MED27: variants seen among roughly 807,000 people sequenced by gnomAD.
MED27 encodes the protein mediator complex subunit 27, also known as mediator of RNA polymerase II transcription subunit 27.
In MED27, 30 loss-of-function variants were observed where a neutral mutation model predicts 38.2. The observed-to-expected ratio is 0.79, with a 90% CI of 0.59 to 1.07. The LOEUF (loss-of-function observed/expected upper bound fraction) is 1.07, where lower values mean the gene tolerates loss of function less well. Among genes scored for constraint, MED27 ranks in the 50% least tolerant of loss-of-function variants. MED27 has a pLI of 0.00. For missense variants in MED27, 289 were observed against 397.5 expected, an observed-to-expected ratio of 0.73 and a Z score of 2.32; for synonymous variants, 122 against 153.5, an observed-to-expected ratio of 0.79 and a Z score of 1.52.
At chr9:132,029,629 T>A (rs930753110) in intron 2 of MED27, among the ~76,000 whole-genome samples, 3 of 151,896 alleles carry the variant, frequency 2.0e-5, no homozygotes, top group Non-Finnish European at 4.4e-5. Flanking sequence ...AATGAGCAAA[T>A]TATGATATTT....
chr9:132,047,463 C>A (rs933300278), intron 2 of MED27, among the ~76,000 whole-genome samples: 1 of 151,506 alleles, frequency 6.6e-6, no homozygotes, highest in Non-Finnish European at 1.5e-5. Context: ...CACACACACA[C>A]ACACACACAC....
At chr9:131,998,360 A>G (rs1832142464) in intron 3 of MED27, among the ~76,000 whole-genome samples, 1 of 151,060 alleles carries the variant, frequency 6.6e-6, no homozygotes, top group African/African-American at 2.4e-5. Context: ...GATCAGTGGG[A>G]GCATTATAGG....
At chr9:131,932,214 C>G (rs765058413) in intron 4 of MED27, among the ~76,000 whole-genome samples, 4 of 151,406 alleles carry the variant, frequency 2.6e-5, no homozygotes, top group Admixed American at 6.6e-5. Context: ...CAATCAATAA[C>G]GAGAGGAATT....
At chr9:132,067,653 C>A (rs549841292) in intron 2 of MED27, among the ~76,000 whole-genome samples, 24 of 152,230 alleles carry the variant, frequency 1.6e-4, no homozygotes, top group African/African-American at 5.5e-4. Context: ...GACTCCAGTC[C>A]TCGCCCCCCA....
intron 3 of MED27, among the ~76,000 whole-genome samples, chr9:131,994,356 C>T (rs1282300380): frequency 1.3e-5 from 2 of 152,200 alleles, no homozygotes; most frequent in Non-Finnish European, 2.9e-5. Context: ...CTCTGATACA[C>T]CCTGCTTCTG....
At chr9:131,877,399 C>G (rs1838955380) in intron 6 of MED27, among the ~76,000 whole-genome samples, 1 of 152,092 alleles carries the variant, frequency 6.6e-6, no homozygotes. Flanking sequence ...AAATCTGTCT[C>G]TACTAAAAAT....
chr9:132,024,369 CA>C (rs1380061992), intron 2 of MED27, among the ~76,000 whole-genome samples: 1 of 152,106 alleles, frequency 6.6e-6, no homozygotes, highest in African/African-American at 2.4e-5. Context: ...ATAATGTGTG[CA>C]AAAGCCTTAA....
chr9:131,960,750 CA>C (rs1246341119), intron 3 of MED27, among the ~76,000 whole-genome samples: 2 of 152,132 alleles, frequency 1.3e-5, no homozygotes, highest in African/African-American at 4.8e-5. Flanking sequence ...CACAGGTATA[CA>C]AAGCCTTAAC....
chr9:132,040,301 G>C (rs1431537782), intron 2 of MED27, among the ~76,000 whole-genome samples: 1 of 152,132 alleles, frequency 6.6e-6, no homozygotes, highest in Non-Finnish European at 1.5e-5. Flanking sequence ...TCACCTTTTT[G>C]CTTTATTTCC....
At chr9:131,869,999 AC>A (rs373730541) in intron 6 of MED27, among the ~76,000 whole-genome samples, 2 of 152,228 alleles carry the variant, frequency 1.3e-5, no homozygotes, top group African/African-American at 4.8e-5. Context: ...CTTTCAAGAG[AC>A]CTTGAAACAG....
chr9:132,034,582 G>A (rs930726427), intron 2 of MED27, among the ~76,000 whole-genome samples: 13 of 152,318 alleles, frequency 8.5e-5, no homozygotes, highest in Admixed American at 3.9e-4. Context: ...CTGAGCACGT[G>A]ATCAAGAATG....
chr9:131,963,128 T>C (rs1338394827), intron 3 of MED27, among the ~76,000 whole-genome samples: 1 of 152,160 alleles, frequency 6.6e-6, no homozygotes, highest in Non-Finnish European at 1.5e-5. Context: ...TTCCAAGCCA[T>C]ACATCATTTT....
At position 131,972,279 on chromosome 9, in the gene MED27, A is replaced by G. The variant is rs541708843; in HGVS notation, c.480-32805T>C. Among the ~76,000 whole-genome samples, 3 of 152,306 alleles carry G rather than the reference A, an allele frequency of 2.0e-5. No homozygotes were observed. In the South Asian group the frequency reaches 6.2e-4, roughly 32 times the overall value. ...AGTTGGAGCAAGTCCCCAATACAAA[A>G]TAGTGTCTTTTAGATTTACCAAAAA... On this transcript the variant is annotated intron_variant, in intron 3 of 7. Coordinates refer to ENST00000292035, the MANE Select transcript of MED27 (RefSeq NM_004269.4).
intron 4 of MED27, among the ~76,000 whole-genome samples, chr9:131,931,550 T>C (rs1357900719): frequency 6.6e-6 from 1 of 151,986 alleles, no homozygotes; most frequent in Non-Finnish European, 1.5e-5. Flanking sequence ...AACTCTCCAA[T>C]CAAAAGACAC....
Position 131,980,246 on chromosome 9 carries a change from T to TTA in MED27, c.479+34090_479+34091insTA, listed in dbSNP as rs1831701369. On this transcript the variant is annotated intron_variant, in intron 3 of 7. Coordinates refer to ENST00000292035, the MANE Select transcript of MED27 (RefSeq NM_004269.4). ...GGGAGGAAAGTGAGGTGCTATTTAA[T>TTA]AAGAGCAGTTGCTCTAAGCACTGAA... is the stretch of plus-strand genomic sequence containing the variant. 4.6e-5 allele frequency among the ~76,000 whole-genome samples: 7 copies of TTA among 152,204 alleles called. No individual in the cohort carries two copies. The South Asian group carries it at 1.5e-3, about 32-fold the overall frequency.
chr9:131,904,570 G>A (rs4740331), intron 4 of MED27, among the ~76,000 whole-genome samples: 1 of 150,810 alleles, frequency 6.6e-6, no homozygotes. Context: ...TGTTGCCCAG[G>A]CTGGCCTTGA....
chr9:131,901,525 T>C (rs1829948425), intron 4 of MED27, among the ~76,000 whole-genome samples: 2 of 152,214 alleles, frequency 1.3e-5, no homozygotes, highest in South Asian at 4.2e-4. Flanking sequence ...GCTCACAATG[T>C]GCTTGAGGAA....
chr9:131,869,773 C>T (rs1048330252), intron 6 of MED27, among the ~76,000 whole-genome samples: 1 of 152,142 alleles, frequency 6.6e-6, no homozygotes, highest in Non-Finnish European at 1.5e-5. Flanking sequence ...TGGGAGGCGC[C>T]TGGTTCACCC....
At chr9:131,984,988 T>C (rs968795051) in intron 3 of MED27, among the ~76,000 whole-genome samples, 2 of 152,214 alleles carry the variant, frequency 1.3e-5, no homozygotes, top group African/African-American at 4.8e-5. Flanking sequence ...AGCTGTTTTA[T>C]GTTGTACATA....
Sources: gnomAD v4.1 joint callset for allele counts (sites outside exome capture counted in the v4.1 genomes callset) on GRCh38, gnomAD v4.1.1 for gene constraint, MANE v1.5 for transcripts, NCBI Gene and HGNC (gene_info 2026-07-23, HGNC 2026-07-21) for gene names.